EIF2B5: variants seen among roughly 807,000 people sequenced by gnomAD.
EIF2B5 encodes translation initiation factor eIF2B subunit epsilon.
In EIF2B5, 38 loss-of-function variants were observed where a neutral mutation model predicts 87.3. The ratio of observed to expected loss-of-function variants is 0.44; its 90% CI spans 0.34 to 0.57. The LOEUF (loss-of-function observed/expected upper bound fraction) is 0.57. Among genes scored for constraint, EIF2B5 ranks in the 20% least tolerant of loss-of-function variants. EIF2B5 has a pLI of 0.02. For synonymous variants in EIF2B5, 313 were observed against 339.6 expected (o/e 0.92, Z 0.86); for missense variants, 784 against 909.5 (o/e 0.86, Z 1.78).
chr3:184,137,709 A>G lies in EIF2B5; in HGVS notation c.410A>G (p.Asp137Gly), dbSNP rs1713425228. 6 of 1,614,162 alleles carry G rather than the reference A, an allele frequency of 3.7e-6. No homozygotes were observed. The highest frequency in any genetic ancestry group is 5.1e-6 in the Non-Finnish European group (6 of 1,180,026). ...LYRSLGDVLR[D>G]VDAKALVRSD... ...CGATCACTGGGAGATGTCCTCCGTG[A>G]TGTTGATGCCAAGGCTTTGGTGCGC... Residue 137 changes from aspartate (D) to glycine (G), a missense_variant, in exon 3 of 16, where the codon GAT (aspartate) becomes GGT (glycine). Physicochemically the swap from Asp to Gly is moderately conservative, Grantham distance 94. Around this residue, in one of 3 missense-constraint regions of EIF2B5, gnomAD observed 660 missense variants for 789.5 expected, o/e 0.84. Coordinates refer to ENST00000648915, the MANE Select transcript of EIF2B5 (RefSeq NM_003907.3).
chr3:184,140,816 C>T, intron 7 of EIF2B5, 86 bp downstream of exon 7: 1 of 1,454,508 alleles, frequency 6.9e-7, no homozygotes, highest in South Asian at 1.2e-5. Context: ...GGGATGGCTA[C>T]ACAAGGGACA....
rs1378993789 is a variant in EIF2B5 at position 184,135,506 on chromosome 3, C to T, written c.121C>T (p.Pro41Ser). The T allele has an allele frequency of 6.3e-7, 1 of 1,583,702 alleles. No individual in the cohort carries two copies. Among genetic ancestry groups the T allele is most frequent in the African/African-American group, 1.3e-5 (1 of 74,298 alleles). Residue 41 changes from proline to serine, a missense_variant, in exon 1 of 16, where the codon CCG becomes TCG. Pro to Ser is a moderately conservative substitution (Grantham distance 74). Transcript: ENST00000648915. The part of the protein sequence containing the change: ...GARGAEEEPP[P>S]PLQAVLVADS... ...CAGAGGGGCGGAGGAGGAACCGCCG[C>T]CGCCCCTACAAGCAGTTCTGGTGGC...
chr3:184,141,836 C>T, intron 7 of EIF2B5, 89 bp from the exon 8 acceptor site: 2 of 1,549,664 alleles, frequency 1.3e-6, no homozygotes, highest in Non-Finnish European at 1.8e-6. Context: ...GGGAGCTGTG[C>T]TGGTGTCAGT....
At chr3:184,144,571 A>G (rs777472521) in intron 14 of EIF2B5, 26 bp from the exon 15 acceptor site, 1 of 1,604,346 alleles carries the variant, frequency 6.2e-7, no homozygotes, top group African/African-American at 1.3e-5. Context: ...AAGGCCCCTG[A>G]GGTCCCCTTT....
At position 184,144,884 on chromosome 3, in the gene EIF2B5, C is replaced by A; in HGVS notation, c.2107C>A (p.Leu703Met). ...KGQQLRKNQQ[L>M]QRFIQWLKEA... ...CGATCTCTCCTCTGCTTCTTTACAG[C>A]TGCAGAGGTTCATCCAGTGGCTAAA... Residue 703 changes from leucine to methionine, a missense_variant and splice_region_variant, in exon 16 of 16, where the codon CTG becomes ATG. Physicochemically the swap from Leu to Met is conservative, Grantham distance 15. Around this residue, in one of 3 missense-constraint regions of EIF2B5, gnomAD observed 660 missense variants for 789.5 expected, o/e 0.84. Coordinates refer to ENST00000648915, the MANE Select transcript of EIF2B5 (RefSeq NM_003907.3). 1 of 1,613,620 alleles carries A rather than the reference C, an allele frequency of 6.2e-7. No homozygotes were observed. The highest frequency in any genetic ancestry group is 8.5e-7 in the Non-Finnish European group (1 of 1,179,912).
Position 184,142,017 on chromosome 3 carries a change from G to T in EIF2B5, c.1249G>T (p.Ala417Ser). ...CCATCAGTCTCTGCTTTGTGACAATGCTGAGGTCAAGGAACGAGTGACACT... is the reference window on the plus strand; with the variant it reads ...CCATCAGTCTCTGCTTTGTGACAATTCTGAGGTCAAGGAACGAGTGACACT... ...QIHQSLLCDN[A>S]EVKERVTLKP... The change falls in exon 8 of 16, where the codon GCT (alanine) becomes TCT (serine). Residue 417 changes from alanine (A) to serine (S), a missense_variant. Around this residue, in one of 3 missense-constraint regions of EIF2B5, gnomAD observed 660 missense variants for 789.5 expected, o/e 0.84. Transcript: ENST00000648915. This position sits in a 1 kb window ranked among gnomAD's most constrained non-coding sequence, Gnocchi z 5.0. 1 of 1,614,144 alleles carries T rather than the reference G, an allele frequency of 6.2e-7. No individual in the cohort carries two copies.
At chr3:184,137,207 T>A (rs887842187) in intron 2 of EIF2B5, 3 of 351,988 alleles carry the variant, frequency 8.5e-6, no homozygotes, top group African/African-American at 6.3e-5. Flanking sequence ...ATCGCATTGC[T>A]TATGGAAGTC....
At chr3:184,144,535 T>G in intron 14 of EIF2B5, 62 bp from the exon 15 acceptor site, 2 of 1,455,460 alleles carry the variant, frequency 1.4e-6, no homozygotes, top group Admixed American at 3.4e-5. Context: ...TCTGAGGGCC[T>G]GGTAGAGTAT....
chr3:184,143,629 T>C, intron 13 of EIF2B5, 64 bp downstream of exon 13: 2 of 1,611,822 alleles, frequency 1.2e-6, no homozygotes, highest in Non-Finnish European at 1.7e-6. Flanking sequence ...AGGAGTAGAC[T>C]GTCTTGTTAT....
At chr3:184,144,451 A>T in intron 14 of EIF2B5, 146 bp from the exon 15 acceptor site, 1 of 1,037,352 alleles carries the variant, frequency 9.6e-7, no homozygotes, top group Non-Finnish European at 1.5e-6. Context: ...TCCAGAAGTT[A>T]GACCTGCCCC....
rs1411849417 is a variant in EIF2B5 at position 184,142,232 on chromosome 3, C to G, written c.1303-5C>G. 7.4e-6 allele frequency: 12 copies of G among 1,613,854 alleles called. No individual in the cohort carries two copies. The highest frequency in any genetic ancestry group is 9.3e-6 in the Non-Finnish European group (11 of 1,180,002). On this transcript the variant is annotated splice_region_variant and splice_polypyrimidine_tract_variant and intron_variant, in intron 8 of 15. Coordinates refer to ENST00000648915, the MANE Select transcript of EIF2B5 (RefSeq NM_003907.3). This position sits in a 1 kb window ranked among gnomAD's most constrained non-coding sequence, Gnocchi z 5.0. Reference sequence around the variant, plus strand: ...CTAATGGTTCTGTGTTTTTTTTCCCCTTAGGTGGTCGTGGGCCCAAATATC... The same window carrying G: ...CTAATGGTTCTGTGTTTTTTTTCCCGTTAGGTGGTCGTGGGCCCAAATATC...
rs749804695 is a variant in EIF2B5 at position 184,141,910 on chromosome 3, C to T, written c.1157-15C>T. On this transcript the variant is annotated splice_polypyrimidine_tract_variant and intron_variant, in intron 7 of 15. Transcript: ENST00000648915. ...GAACCCTGAGTTACCCAGAGGTCTT[C>T]CCATCCTGAGCCAGGTGATAACGTG... The T allele has an allele frequency of 1.8e-5, 29 of 1,613,822 alleles. No individual in the cohort carries two copies. Among genetic ancestry groups the T allele is most frequent in the Non-Finnish European group, 1.9e-5 (22 of 1,179,990 alleles).
chr3:184,136,978 A>T (rs1713390975), intron 2 of EIF2B5: 1 of 535,938 alleles, frequency 1.9e-6, no homozygotes. Flanking sequence ...ATCTCATTAT[A>T]AAGTTTGGTG....
Position 184,142,395 on chromosome 3 carries a change from G to T in EIF2B5, c.1444+17G>T, listed in dbSNP as rs1393401147. 1 of 1,614,094 alleles carries T rather than the reference G, an allele frequency of 6.2e-7. No individual in the cohort carries two copies. The highest frequency in any genetic ancestry group is 1.7e-5 in the Admixed American group (1 of 60,002). ...AGATGAAAGGTGTGAGACTCAACAG[G>T]TGTGGGGCATCTGTGTGTCTCGCTG... On this transcript the variant is annotated intron_variant, in intron 9 of 15. Coordinates refer to ENST00000648915, the MANE Select transcript of EIF2B5 (RefSeq NM_003907.3). The surrounding 1 kb of genome is among the most constrained non-coding windows in gnomAD (Gnocchi z 5.0).
chr3:184,136,248 C>T (rs1165702902), intron 1 of EIF2B5, among the ~76,000 whole-genome samples: 1 of 152,202 alleles, frequency 6.6e-6, no homozygotes, highest in African/African-American at 2.4e-5. Flanking sequence ...ACCTCTGACA[C>T]TTAGAAAGGG....
In EIF2B5 at chr3:184,144,089, T is replaced by C; in HGVS notation, c.1870-10T>C. On this transcript the variant is annotated splice_polypyrimidine_tract_variant and intron_variant, in intron 13 of 15. Coordinates refer to ENST00000648915, the MANE Select transcript of EIF2B5 (RefSeq NM_003907.3). The stretch of plus-strand genomic sequence containing the variant: ...AGGAATATACTGCAGCTCCCTTCTT[T>C]CTTCCATAGCTGCTAAAGGCCTGGA... 1 of 1,614,248 alleles carries C rather than the reference T, an allele frequency of 6.2e-7. No homozygotes were observed.
Position 184,140,555 on chromosome 3 carries a change from C to T in EIF2B5, c.981C>T (p.Phe327=). 1 of 1,614,216 alleles carries T rather than the reference C, an allele frequency of 6.2e-7. No individual in the cohort carries two copies. The highest frequency in any genetic ancestry group is 8.5e-7 in the Non-Finnish European group (1 of 1,180,046). ...WVYPLTPEAN[F]TDSTTQSCTH... Reference sequence around the variant, plus strand: ...ACCCTCTCACCCCAGAGGCGAACTTCACTGACAGCACCACCCAGAGCTGCA... The same window carrying T: ...ACCCTCTCACCCCAGAGGCGAACTTTACTGACAGCACCACCCAGAGCTGCA... The change falls in exon 7 of 16, where the codon TTC becomes TTT. Residue 327 remains phenylalanine (F), a synonymous_variant. Coordinates refer to ENST00000648915, the MANE Select transcript of EIF2B5 (RefSeq NM_003907.3).
intron 13 of EIF2B5, 29 bp downstream of exon 13, chr3:184,143,594 G>C (rs781079411): frequency 6.2e-7 from 1 of 1,614,124 alleles, no homozygotes; most frequent in South Asian, 1.1e-5. Flanking sequence ...TGAGTACAAG[G>C]GATTGGGTAC....
rs1560108556 is a variant in EIF2B5, at chr3:184,140,628, C to T, written c.1054C>T (p.His352Tyr). 1.9e-6 allele frequency: 3 copies of T among 1,614,168 alleles called. No individual in the cohort carries two copies. The highest frequency in any genetic ancestry group is 2.5e-6 in the Non-Finnish European group (3 of 1,180,014). Residue 352 changes from histidine (H) to tyrosine (Y), a missense_variant, in exon 7 of 16, where the codon CAT becomes TAT. Coordinates refer to ENST00000648915, the MANE Select transcript of EIF2B5 (RefSeq NM_003907.3). ...CCGAGGGCCTGAGGTCAGCCTGGGC[C>T]ATGGCAGCATCCTAGAGGAAAATGT... ...IYRGPEVSLG[H>Y]GSILEENVLL...
Sources: gnomAD v4.1 joint callset for allele counts (sites outside exome capture counted in the v4.1 genomes callset) on GRCh38, gnomAD v4.1.1 for gene constraint, gnomAD v4.1.1 regional missense constraint, Gnocchi (gnomAD v3.1) non-coding constraint, MANE v1.5 for transcripts, NCBI Gene and HGNC (gene_info 2026-07-23, HGNC 2026-07-21) for gene names.